Variants in UHMK1 observed in about 807,000 individuals in gnomAD.
The protein encoded by UHMK1 is serine/threonine-protein kinase Kist.
Under a neutral mutation model 44.0 loss-of-function variants are expected in UHMK1, and 18 were observed. The observed-to-expected ratio is 0.41, with a 90% CI of 0.28 to 0.61. The LOEUF is 0.61. Ranked by LOEUF, UHMK1 falls within the 20% of genes least tolerant of loss-of-function variation. The pLI is 0.31. For missense variants in UHMK1, 463 were observed against 522.5 expected, an observed-to-expected ratio of 0.89 and a Z score of 1.11; for synonymous variants, 231 against 198.5, an observed-to-expected ratio of 1.16 and a Z score of -1.38.
Position 162,522,703 on chromosome 1 carries a change from G to A in UHMK1, c.*153G>A. ...TGCAGCCATTGCCCAAGCAGTGACT[G>A]CGTTGCATACATTTGGCACTGAGTA... On this transcript the variant is annotated 3_prime_UTR_variant, in exon 8 of 8. Coordinates refer to ENST00000489294, the MANE Select transcript of UHMK1 (RefSeq NM_175866.5). The A allele has an allele frequency of 1.2e-6, 1 of 860,158 alleles. No individual in the cohort carries two copies. 53.3% of individuals were successfully genotyped at this position (860,158 alleles called of 1,614,324 possible). A position where few individuals can be genotyped will look rare whatever the true frequency, so the allele number is the denominator to read the frequency against.
intron 4 of UHMK1, among the ~76,000 whole-genome samples, chr1:162,506,011 T>G (rs10753833): frequency 0.46 from 69,308 of 151,994 alleles, 15,845 homozygotes; most frequent in East Asian, 0.47. Flanking sequence ...GATTTATTCC[T>G]ATTTCACCAG....
chr1:162,520,347 A>G (rs996018917), intron 7 of UHMK1, among the ~76,000 whole-genome samples: 2 of 152,250 alleles, frequency 1.3e-5, no homozygotes, highest in East Asian at 3.8e-4. Flanking sequence ...CGTACTGAAT[A>G]CTAATATGTA....
rs183866923 is a variant in UHMK1, at chr1:162,506,996, C to T, written c.848+3148C>T. On this transcript the variant is annotated intron_variant, in intron 4 of 7. Coordinates refer to ENST00000489294, the MANE Select transcript of UHMK1 (RefSeq NM_175866.5). ...TTCTGGGTCAATATTCTCAGAAATA[C>T]GGTATGTCTCTTAAATTACAGTTTT... 5.3e-5 allele frequency among the ~76,000 whole-genome samples: 8 copies of T among 152,240 alleles called. No individual in the cohort carries two copies. The East Asian group carries it at 9.6e-4, about 18-fold the overall frequency.
rs1459342110 is a variant in UHMK1, at chr1:162,527,764, ACC to A, written c.*5215_*5216del. On this transcript the variant is annotated 3_prime_UTR_variant, in exon 8 of 8. Transcript: ENST00000489294. Reference sequence around the variant, plus strand: ...TGAAGAAAGCCATGTATGTTTTGTTACCTAGGTTCATAGTATTTTAATTTAAA... The same window carrying A: ...TGAAGAAAGCCATGTATGTTTTGTTATAGGTTCATAGTATTTTAATTTAAA... The A allele has an allele frequency of 6.6e-6, 1 of 152,040 alleles. No individual in the cohort carries two copies. Among genetic ancestry groups the A allele is most frequent in the Admixed American group, 6.5e-5 (1 of 15,268 alleles). The allele number at this position is 152,040 out of a possible 1,614,324, so 9.4% of individuals were successfully genotyped here.
chr1:162,512,791 A>G lies in UHMK1; in HGVS notation c.992A>G (p.Asp331Gly), dbSNP rs138324013. 3.5e-4 allele frequency: 557 copies of G among 1,614,116 alleles called. 9 individuals carry two copies. The South Asian group carries it at 4.3e-3, about 13-fold the overall frequency. Residue 331 changes from aspartate to glycine, a missense_variant, in exon 6 of 8, where the codon GAT (aspartate) becomes GGT (glycine). Physicochemically the swap from Asp to Gly is moderately conservative, Grantham distance 94. This residue lies in a region of UHMK1 where 264 missense variants were observed against 326.3 expected (regional missense o/e 0.81). Transcript: ENST00000489294. ...PVLRLLNVLD[D>G]DYLENEEEYE... ...CTAAGACTGCTGAATGTGCTGGATG[A>G]TGATTATCTTGAGAATGAAGAGGAA...
intron 3 of UHMK1, among the ~76,000 whole-genome samples, chr1:162,502,850 G>A (rs975114505): frequency 3.3e-5 from 5 of 152,046 alleles, no homozygotes; most frequent in African/African-American, 9.7e-5. Flanking sequence ...GATAATAATG[G>A]CATCTATCTC....
intron 4 of UHMK1, among the ~76,000 whole-genome samples, chr1:162,507,996 T>C (rs1651539164): frequency 6.6e-6 from 1 of 152,218 alleles, no homozygotes; most frequent in Non-Finnish European, 1.5e-5. Context: ...TATGAAATGA[T>C]TTTTAAAATG....
At position 162,522,474 on chromosome 1, in the gene UHMK1, A is replaced by T; in HGVS notation, c.1184A>T (p.Asp395Val). The T allele has an allele frequency of 6.2e-7, 1 of 1,614,158 alleles. No homozygotes were observed. The highest frequency in any genetic ancestry group is 8.5e-7 in the Non-Finnish European group (1 of 1,180,022). ...AQKLLTGRMF[D>V]GKFVVATFYP... ...AAATTACTGACTGGAAGGATGTTTG[A>T]TGGGAAGTTTGTTGTGGCTACATTC... The change falls in exon 8 of 8, where the codon GAT (aspartate) becomes GTT (valine). Residue 395 changes from aspartate to valine, a missense_variant. Physicochemically the swap from Asp to Val is radical, Grantham distance 152. Transcript: ENST00000489294.
intron 1 of UHMK1, 148 bp from the exon 2 acceptor site, chr1:162,499,807 T>G (rs1651201484): frequency 1.4e-6 from 1 of 722,890 alleles, no homozygotes; most frequent in South Asian, 2.0e-5. Flanking sequence ...CCAAAAGATC[T>G]TATTCATGGG....
chr1:162,498,086 T>C lies in UHMK1; in HGVS notation c.86T>C (p.Leu29Pro). 6.2e-7 allele frequency: 1 copy of C among 1,612,012 alleles called. No homozygotes were observed. The change falls in exon 1 of 8, where the codon CTG becomes CCG. Residue 29 changes from leucine (L) to proline (P), a missense_variant. Physicochemically the swap from Leu to Pro is moderately conservative, Grantham distance 98. Transcript: ENST00000489294. Reference sequence around the variant, plus strand: ...CGGCTGTGGCAGGTACAGAGCCGTCTGGGTAGCGGCTCCTCCGCCTCGGTG... The same window carrying C: ...CGGCTGTGGCAGGTACAGAGCCGTCCGGGTAGCGGCTCCTCCGCCTCGGTG... ...FGRLWQVQSRLGSGSSASVYR... is the reference protein window; with the variant it reads ...FGRLWQVQSRPGSGSSASVYR...
At position 162,522,719 on chromosome 1, in the gene UHMK1, G is replaced by A; in HGVS notation, c.*169G>A. On this transcript the variant is annotated 3_prime_UTR_variant, in exon 8 of 8. Transcript: ENST00000489294. ...GCAGTGACTGCGTTGCATACATTTG[G>A]CACTGAGTAGGACAAGACCTCTCAG... 4 of 739,588 alleles carry A rather than the reference G, an allele frequency of 5.4e-6. No homozygotes were observed. Among genetic ancestry groups the A allele is most frequent in the Non-Finnish European group, 6.4e-6 (3 of 470,918 alleles). The allele number at this position is 739,588 out of a possible 1,614,324, so 45.8% of individuals were successfully genotyped here.
intron 7 of UHMK1, among the ~76,000 whole-genome samples, chr1:162,520,357 A>AT (rs1226771010): frequency 6.6e-6 from 1 of 152,242 alleles, no homozygotes; most frequent in East Asian, 1.9e-4. Context: ...ACTAATATGT[A>AT]TAATTGTATC....
In UHMK1 at chr1:162,503,983, T is replaced by C. The variant is rs188160524; in HGVS notation, c.848+135T>C. The stretch of plus-strand genomic sequence containing the variant: ...AGTAATGAAATAGTTTTACCAAATT[T>C]GTTTTCAAAGGAATGCTCTTTTGCT... On this transcript the variant is annotated intron_variant, in intron 4 of 7. Transcript: ENST00000489294. 2.0e-5 allele frequency: 14 copies of C among 712,958 alleles called. 1 individual carries two copies. The East Asian group carries it at 4.1e-4, about 21-fold the overall frequency. 44.2% of individuals were successfully genotyped at this position (712,958 alleles called of 1,614,324 possible).
intron 4 of UHMK1, among the ~76,000 whole-genome samples, chr1:162,506,028 G>A (rs1014477979): frequency 2.0e-5 from 3 of 152,014 alleles, no homozygotes; most frequent in Non-Finnish European, 2.9e-5. Context: ...CCAGTTTTAC[G>A]CATACTTACT....
In UHMK1 at chr1:162,525,245, A is replaced by T. The variant is rs947107114; in HGVS notation, c.*2695A>T. The T allele has an allele frequency of 1.3e-5, 2 of 152,204 alleles. No homozygotes were observed. The highest frequency in any genetic ancestry group is 2.9e-5 in the Non-Finnish European group (2 of 68,034). 9.4% of individuals were successfully genotyped at this position (152,204 alleles called of 1,614,324 possible). On this transcript the variant is annotated 3_prime_UTR_variant, in exon 8 of 8. Coordinates refer to ENST00000489294, the MANE Select transcript of UHMK1 (RefSeq NM_175866.5). ...ACAAGTTTCATGATTAGGATGAAATATATACATAGGGATTTTGGTTTATTG... is the reference window on the plus strand; with the variant it reads ...ACAAGTTTCATGATTAGGATGAAATTTATACATAGGGATTTTGGTTTATTG...
Position 162,518,206 on chromosome 1 carries a change from C to T in UHMK1, c.1113+16C>T. The stretch of plus-strand genomic sequence containing the variant: ...CAGAGGACAAGTAAGTGAATATTTT[C>T]ATAATTGCAGATTACTCAGAGGTTA... On this transcript the variant is annotated intron_variant, in intron 7 of 7. Coordinates refer to ENST00000489294, the MANE Select transcript of UHMK1 (RefSeq NM_175866.5). 2 of 1,549,796 alleles carry T rather than the reference C, an allele frequency of 1.3e-6. No homozygotes were observed. Among genetic ancestry groups the T allele is most frequent in the Non-Finnish European group, 1.8e-6 (2 of 1,122,022 alleles).
rs537737260 is a variant in UHMK1, at chr1:162,506,515, CTT to C, written c.848+2670_848+2671del. On this transcript the variant is annotated intron_variant, in intron 4 of 7. Transcript: ENST00000489294. ...CTACCATTCACACCAAGAAATAAAA[CTT>C]TTCCTGTCACCCTGGAAGTCCTGTA... is the stretch of plus-strand genomic sequence containing the variant. Among the ~76,000 whole-genome samples, 361 of 152,238 alleles carry C rather than the reference CTT, an allele frequency of 2.4e-3. 1 individual carries two copies. Among genetic ancestry groups the C allele is most frequent in the South Asian group, 0.014 (68 of 4,818 alleles).
At chr1:162,521,584 A>G (rs1441418368) in intron 7 of UHMK1, among the ~76,000 whole-genome samples, 1 of 152,152 alleles carries the variant, frequency 6.6e-6, no homozygotes, top group Non-Finnish European at 1.5e-5. Flanking sequence ...CTGCCTCCCA[A>G]GTAGCTGGGA....
intron 7 of UHMK1, among the ~76,000 whole-genome samples, chr1:162,518,717 A>C (rs937255307): frequency 2.7e-5 from 4 of 147,902 alleles, no homozygotes; most frequent in Non-Finnish European, 5.9e-5. Flanking sequence ...GGCTGGGCGC[A>C]GTGGCTCACG....
Sources: allele counts gnomAD v4.1 joint callset (sites outside exome capture counted in the v4.1 genomes callset), GRCh38; gene constraint gnomAD v4.1.1; regional missense constraint gnomAD v4.1.1; transcripts MANE v1.5; gene names NCBI Gene and HGNC (gene_info 2026-07-23, HGNC 2026-07-21).